The following NLN variants were observed in gnomAD, a reference collection of about 807,000 sequenced individuals.
The protein encoded by NLN is neurolysin.
Under a neutral mutation model 79.9 loss-of-function variants are expected in NLN, and 64 were observed. That is an observed-to-expected ratio of 0.80 (90% CI 0.65 to 0.99). NLN has a LOEUF of 0.99. Among genes scored for constraint, NLN ranks in the 50% least tolerant of loss-of-function variants. The pLI, the probability that NLN is intolerant of heterozygous loss-of-function variation, is 0.00. For missense variants in NLN, 835 were observed against 858.7 expected (o/e 0.97, Z 0.34); for synonymous variants, 267 against 296.6 (o/e 0.90, Z 1.02).
chr5:65,739,411 T>C (rs1639204733), intron 1 of NLN, among the ~76,000 whole-genome samples: 2 of 152,184 alleles, frequency 1.3e-5, no homozygotes, highest in African/African-American at 4.8e-5. Flanking sequence ...TCTATATCCA[T>C]TTGTCAGCTG....
intron 9 of NLN, among the ~76,000 whole-genome samples, chr5:65,806,387 C>T (rs1760411217): frequency 6.6e-6 from 1 of 152,178 alleles, no homozygotes; most frequent in Non-Finnish European, 1.5e-5. Flanking sequence ...ATGCATGATT[C>T]ATGGGAAGAG....
Position 65,823,143 on chromosome 5 carries a change from G to T in NLN, c.*228G>T. 1 of 404,094 alleles carries T rather than the reference G, an allele frequency of 2.5e-6. No individual in the cohort carries two copies. The highest frequency in any genetic ancestry group is 2.1e-5 in the African/African-American group (1 of 48,304). The allele number at this position is 404,094 out of a possible 1,614,324, so 25.0% of individuals were successfully genotyped here. On this transcript the variant is annotated 3_prime_UTR_variant, in exon 13 of 13. Coordinates refer to ENST00000380985, the MANE Select transcript of NLN (RefSeq NM_020726.5). ...TGTACTATAAAATTTCATAAAACTG[G>T]ATTTGATTTCTTTTTATGAAAGTTT...
intron 12 of NLN, among the ~76,000 whole-genome samples, chr5:65,813,237 A>C (rs1760593686): frequency 6.6e-6 from 1 of 152,196 alleles, no homozygotes; most frequent in Non-Finnish European, 1.5e-5. Context: ...CCTCCAAGGT[A>C]CCCATACTTC....
chr5:65,754,718 A>G (rs35429657), intron 1 of NLN, among the ~76,000 whole-genome samples: 2,902 of 152,292 alleles, frequency 0.019, 55 homozygotes, highest in South Asian at 0.045. Flanking sequence ...AGGAAAGATC[A>G]GTATCTTCTT....
At chr5:65,722,454 G>A in intron 1 of NLN, 40 bp downstream of exon 1, 2 of 1,550,810 alleles carry the variant, frequency 1.3e-6, no homozygotes, top group South Asian at 1.2e-5. Context: ...CGTGGGCAGG[G>A]CGGGGTCTTT....
At chr5:65,737,287 A>T (rs1413741055) in intron 1 of NLN, among the ~76,000 whole-genome samples, 2 of 152,116 alleles carry the variant, frequency 1.3e-5, no homozygotes. Flanking sequence ...TAAATCTCTA[A>T]ACTAATAAAT....
intron 1 of NLN, among the ~76,000 whole-genome samples, chr5:65,749,916 G>T (rs146044191): frequency 6.6e-6 from 1 of 152,208 alleles, no homozygotes. Context: ...CTTGAAAGTA[G>T]TGCTTACTCC....
rs1760970446 is a variant in NLN at position 65,828,966 on chromosome 5, G to A, written c.*6051G>A. 1 of 152,170 alleles carries A rather than the reference G, an allele frequency of 6.6e-6. No individual in the cohort carries two copies. The highest frequency in any genetic ancestry group is 2.1e-4 in the South Asian group (1 of 4,826). The allele number at this position is 152,170 out of a possible 1,614,324, so 9.4% of individuals were successfully genotyped here. A position where few individuals can be genotyped will look rare whatever the true frequency, so the allele number is the denominator to read the frequency against. On this transcript the variant is annotated 3_prime_UTR_variant, in exon 13 of 13. Transcript: ENST00000380985. Reference sequence around the variant, plus strand: ...AGAGGTTAATTACCGGTTTTCTGGTGGGTATCTGGGAACTGAGGATGGGAG... The same window carrying A: ...AGAGGTTAATTACCGGTTTTCTGGTAGGTATCTGGGAACTGAGGATGGGAG...
chr5:65,733,283 C>G (rs200426144), intron 1 of NLN: 2 of 1,480,352 alleles, frequency 1.4e-6, no homozygotes, highest in Non-Finnish European at 1.9e-6. Context: ...CTGCTACTCT[C>G]GAGACCCTCA....
intron 12 of NLN, among the ~76,000 whole-genome samples, chr5:65,817,352 T>G (rs967119120): frequency 1.3e-5 from 2 of 152,230 alleles, no homozygotes; most frequent in African/African-American, 4.8e-5. Flanking sequence ...CTAACTGTTC[T>G]GCTAAATAAT....
intron 3 of NLN, among the ~76,000 whole-genome samples, chr5:65,768,969 C>T (rs779919549): frequency 5.3e-5 from 8 of 152,248 alleles, no homozygotes; most frequent in Non-Finnish European, 8.8e-5. Flanking sequence ...CAGTCCATAG[C>T]GCAGAGCGTC....
intron 3 of NLN, among the ~76,000 whole-genome samples, chr5:65,768,019 C>T (rs965443210): frequency 2.6e-5 from 4 of 152,170 alleles, no homozygotes; most frequent in Admixed American, 6.5e-5. Flanking sequence ...CATTTTTGGT[C>T]ACAACCATTC....
chr5:65,731,380 G>T (rs1210218287), intron 1 of NLN, among the ~76,000 whole-genome samples: 2 of 152,232 alleles, frequency 1.3e-5, no homozygotes, highest in Non-Finnish European at 2.9e-5. Flanking sequence ...TAGACTCATA[G>T]CAGGTAGAAA....
chr5:65,755,906 A>G (rs1283556638), intron 1 of NLN, among the ~76,000 whole-genome samples: 1 of 152,034 alleles, frequency 6.6e-6, no homozygotes, highest in Non-Finnish European at 1.5e-5. Flanking sequence ...CCACGGCCAG[A>G]TCCACAGAGA....
intron 2 of NLN, among the ~76,000 whole-genome samples, chr5:65,760,562 G>C (rs1345827191): frequency 6.6e-6 from 1 of 150,578 alleles, no homozygotes; most frequent in African/African-American, 2.4e-5. Flanking sequence ...ACCCAGGCTG[G>C]AGTGCTATGG....
chr5:65,802,594 G>T (rs1579962325), intron 9 of NLN, among the ~76,000 whole-genome samples: 1 of 152,190 alleles, frequency 6.6e-6, no homozygotes, highest in Non-Finnish European at 1.5e-5. Flanking sequence ...AGCCCTTTAG[G>T]CCCCACCATT....
rs149432329 is a variant in NLN at position 65,782,924 on chromosome 5, A to G, written c.822+1503A>G. On this transcript the variant is annotated intron_variant, in intron 6 of 12. Coordinates refer to ENST00000380985, the MANE Select transcript of NLN (RefSeq NM_020726.5). ...CAGTTTTCACAAATGCCCATGGTAT[A>G]ATGAGAACCTGCTTCCCAGCCTGCA... Among the ~76,000 whole-genome samples, 269 of 152,308 alleles carry G rather than the reference A, an allele frequency of 1.8e-3. 2 individuals carry two copies. Among genetic ancestry groups the G allele is most frequent in the African/African-American group, 6.3e-3 (261 of 41,574 alleles).
rs540488588 is a variant in NLN at position 65,744,136 on chromosome 5, G to A, written c.42-14431G>A. Among the ~76,000 whole-genome samples, 309 of 142,390 alleles carry A rather than the reference G, an allele frequency of 2.2e-3. 1 individual carries two copies. The highest frequency in any genetic ancestry group is 3.4e-3 in the Non-Finnish European group (217 of 63,850). The allele number at this position is 142,390 out of a possible 152,430, so 93.4% of individuals were successfully genotyped here. On this transcript the variant is annotated intron_variant, in intron 1 of 12. Coordinates refer to ENST00000380985, the MANE Select transcript of NLN (RefSeq NM_020726.5). ...AGTGACACAATTGTGGCTCACTGTA[G>A]CCTGACCTCCTGGGATCAAGTGAGC...
At position 65,828,096 on chromosome 5, in the gene NLN, C is replaced by A. The variant is rs1352216497; in HGVS notation, c.*5181C>A. On this transcript the variant is annotated 3_prime_UTR_variant, in exon 13 of 13. Coordinates refer to ENST00000380985, the MANE Select transcript of NLN (RefSeq NM_020726.5). ...AAATGAAATTAGACACATTCCATTA[C>A]CCAGGTAAAAGAAGGGGAAGCCTGA... is the stretch of plus-strand genomic sequence containing the variant. 6.6e-6 allele frequency: 1 copy of A among 152,078 alleles called. No homozygotes were observed. The highest frequency in any genetic ancestry group is 2.4e-5 in the African/African-American group (1 of 41,400). 9.4% of individuals were successfully genotyped at this position (152,078 alleles called of 1,614,324 possible).
Sources: allele counts gnomAD v4.1 joint callset (sites outside exome capture counted in the v4.1 genomes callset), GRCh38; gene constraint gnomAD v4.1.1; transcripts MANE v1.5; gene names NCBI Gene and HGNC (gene_info 2026-07-23, HGNC 2026-07-21).